The following WWC2 variants were observed in gnomAD, a reference collection of about 807,000 sequenced individuals.
WWC2 encodes protein WWC2.
In WWC2, 101 loss-of-function variants were observed where a neutral mutation model predicts 138.5. The ratio of observed to expected loss-of-function variants is 0.73; its 90% CI spans 0.62 to 0.86. WWC2 has a LOEUF of 0.86. Among genes scored for constraint, WWC2 ranks in the 40% least tolerant of loss-of-function variants. The pLI is 0.00. For missense variants in WWC2, 1,420 were observed against 1,419.4 expected (o/e 1.00, Z -0.01); for synonymous variants, 558 against 538.4 (o/e 1.04, Z -0.50).
chr4:183,261,405 T>G lies in WWC2; in HGVS notation c.1782T>G (p.Phe594Leu), dbSNP rs1355882651. The change falls in exon 11 of 23, where the codon TTT becomes TTG. Residue 594 changes from phenylalanine (F) to leucine (L), a missense_variant. Phe to Leu is a conservative substitution (Grantham distance 22, BLOSUM62 0). Transcript: ENST00000403733. ...DFEDCELSSH[F>L]ADISLIENQI... Reference sequence around the variant, plus strand: ...AAGACTGTGAGTTGAGTAGCCATTTTGCAGATATCAGCCTCATCGAAAATC... The same window carrying G: ...AAGACTGTGAGTTGAGTAGCCATTTGGCAGATATCAGCCTCATCGAAAATC... 2.5e-6 allele frequency: 4 copies of G among 1,613,014 alleles called. No individual in the cohort carries two copies. The African/African-American group carries it at 5.3e-5, about 22-fold the overall frequency.
intron 22 of WWC2, among the ~76,000 whole-genome samples, chr4:183,314,827 G>A (rs548966813): frequency 5.3e-5 from 8 of 152,142 alleles, no homozygotes; most frequent in Non-Finnish European, 1.0e-4. Context: ...GCAGTAGCTC[G>A]TTCCAGTGTC....
intron 4 of WWC2, among the ~76,000 whole-genome samples, chr4:183,220,049 T>C (rs768152454): frequency 6.6e-6 from 1 of 152,156 alleles, no homozygotes; most frequent in Non-Finnish European, 1.5e-5. Context: ...AAATGTACCA[T>C]TGCTGGATTA....
intron 4 of WWC2, among the ~76,000 whole-genome samples, chr4:183,209,263 T>TTTG (rs1735530345): frequency 6.6e-6 from 1 of 152,196 alleles, no homozygotes; most frequent in African/African-American, 2.4e-5. Context: ...TTGTTTGTTT[T>TTTG]TTTGAGATGA....
intron 1 of WWC2, among the ~76,000 whole-genome samples, chr4:183,105,352 G>A (rs927381083): frequency 2.2e-4 from 33 of 152,310 alleles, no homozygotes; most frequent in Non-Finnish European, 1.9e-4. Context: ...CCACACTGCC[G>A]GGCCCTGCAT....
chr4:183,173,330 G>C (rs927735056), intron 1 of WWC2, among the ~76,000 whole-genome samples: 1 of 152,120 alleles, frequency 6.6e-6, no homozygotes, highest in African/African-American at 2.4e-5. Flanking sequence ...GGGATTGCAC[G>C]TGTGAGCCAC....
At chr4:183,184,565 A>G (rs1734737253) in intron 1 of WWC2, among the ~76,000 whole-genome samples, 1 of 152,190 alleles carries the variant, frequency 6.6e-6, no homozygotes, top group African/African-American at 2.4e-5. Context: ...ACCATTTTCT[A>G]CAGAGGCTGC....
In WWC2 at chr4:183,317,517, C is replaced by G. The variant is rs2292414; in HGVS notation, c.*1788C>G. 0.26 allele frequency: 40,007 copies of G among 152,438 alleles called. 5,915 individuals carry two copies. Among genetic ancestry groups the G allele is most frequent in the Middle Eastern group, 0.42 (123 of 292 alleles). 9.4% of individuals were successfully genotyped at this position (152,438 alleles called of 1,614,324 possible). A position where few individuals can be genotyped will look rare whatever the true frequency, so the allele number is the denominator to read the frequency against. ...GAATACAGTTCACCCTTGTCAAGGT[C>G]AAATGTGAAAGACAGAAGTTTATTT... On this transcript the variant is annotated 3_prime_UTR_variant, in exon 23 of 23. Coordinates refer to ENST00000403733, the MANE Select transcript of WWC2 (RefSeq NM_024949.6).
intron 1 of WWC2, among the ~76,000 whole-genome samples, chr4:183,123,039 A>G (rs897451228): frequency 6.6e-6 from 1 of 152,202 alleles, no homozygotes; most frequent in African/African-American, 2.4e-5. Context: ...GAGAGGATGT[A>G]GGGAAATAGG....
chr4:183,268,809 CTA>C (rs1737595138), intron 14 of WWC2, among the ~76,000 whole-genome samples, 160 bp from the exon 15 acceptor site: 1 of 152,188 alleles, frequency 6.6e-6, no homozygotes, highest in African/African-American at 2.4e-5. Flanking sequence ...GACAGAGCAT[CTA>C]TGCAGCTGAG....
intron 11 of WWC2, 63 bp downstream of exon 11, chr4:183,261,595 C>T (rs1430287006): frequency 2.0e-6 from 3 of 1,482,570 alleles, no homozygotes; most frequent in Non-Finnish European, 2.7e-6. Context: ...ATGATTGGAG[C>T]ATTATTTTTC....
chr4:183,099,706 GGCGCCGGCCCGCGGTGCCCCGA>G (rs1337352690), intron 1 of WWC2, 84 bp downstream of exon 1: 7 of 1,146,880 alleles, frequency 6.1e-6, no homozygotes, highest in Non-Finnish European at 6.5e-6. Context: ...GGGCTGGGGC[GGCGCCGGCCCGCGGTGCCCCGA>G]GGGGTCCCGG....
In WWC2 at chr4:183,124,536, C is replaced by CTTTTTT. The variant is rs370409813; in HGVS notation, c.131+24925_131+24930dup. Among the ~76,000 whole-genome samples, 324 of 122,784 alleles carry CTTTTTT rather than the reference C, an allele frequency of 2.6e-3. 4 individuals carry two copies. Among genetic ancestry groups the CTTTTTT allele is most frequent in the African/African-American group, 9.7e-3 (311 of 32,168 alleles). 80.6% of individuals were successfully genotyped at this position (122,784 alleles called of 152,430 possible). ...TGCTTTTTCTTTTTTTCCTTTTTCT[C>CTTTTTT]TTTTTTTTTTTTTTTTGCTGGGATT... On this transcript the variant is annotated intron_variant, in intron 1 of 22. Coordinates refer to ENST00000403733, the MANE Select transcript of WWC2 (RefSeq NM_024949.6).
intron 21 of WWC2, 72 bp downstream of exon 21, chr4:183,289,707 C>G: frequency 6.4e-7 from 1 of 1,553,394 alleles, no homozygotes; most frequent in African/African-American, 1.4e-5. Context: ...TAGAAGGTAC[C>G]CAACTTACAC....
At chr4:183,122,875 C>A (rs1344670029) in intron 1 of WWC2, among the ~76,000 whole-genome samples, 1 of 152,052 alleles carries the variant, frequency 6.6e-6, no homozygotes, top group Non-Finnish European at 1.5e-5. Context: ...AAAGTAACAG[C>A]CAGTTCTCAG....
At chr4:183,314,307 G>C (rs1165091191) in intron 22 of WWC2, among the ~76,000 whole-genome samples, 2 of 152,230 alleles carry the variant, frequency 1.3e-5, no homozygotes, top group Non-Finnish European at 2.9e-5. Flanking sequence ...TAGAGAATAA[G>C]CAGCATTGTC....
intron 21 of WWC2, among the ~76,000 whole-genome samples, chr4:183,305,230 G>A (rs1279376074): frequency 1.3e-5 from 2 of 151,598 alleles, no homozygotes; most frequent in African/African-American, 4.8e-5. Context: ...AAAAGAGACT[G>A]GAGAAAAAAA....
intron 21 of WWC2, among the ~76,000 whole-genome samples, chr4:183,306,766 A>G (rs1413167434): frequency 1.3e-5 from 2 of 151,052 alleles, no homozygotes; most frequent in African/African-American, 4.9e-5. Context: ...ACCTCTGGTG[A>G]TCCGCCTGCC....
chr4:183,290,621 T>G (rs1237566464), intron 21 of WWC2, among the ~76,000 whole-genome samples: 1 of 152,258 alleles, frequency 6.6e-6, no homozygotes. Flanking sequence ...ATTGATTTAC[T>G]TTCTCAAGAG....
chr4:183,116,265 T>G (rs770051223), intron 1 of WWC2, among the ~76,000 whole-genome samples: 1 of 152,204 alleles, frequency 6.6e-6, no homozygotes, highest in African/African-American at 2.4e-5. Flanking sequence ...AAGATGATGA[T>G]GATGACAAGT....
Sources: allele counts gnomAD v4.1 joint callset (sites outside exome capture counted in the v4.1 genomes callset), GRCh38; gene constraint gnomAD v4.1.1; transcripts MANE v1.5; gene names NCBI Gene and HGNC (gene_info 2026-07-23, HGNC 2026-07-21).